The following KLHL28 variants were observed in gnomAD, a reference collection of about 807,000 sequenced individuals.
KLHL28 encodes kelch-like protein 28.
A neutral mutation model predicts 48.3 loss-of-function variants in KLHL28; 22 were observed. The ratio of observed to expected loss-of-function variants is 0.46; its 90% CI spans 0.33 to 0.65. KLHL28 has a LOEUF of 0.65. Among genes scored for constraint, KLHL28 ranks in the 30% least tolerant of loss-of-function variants. KLHL28 has a pLI of 0.03. For missense variants in KLHL28, 527 were observed against 704.3 expected (o/e 0.75, Z 2.85); for synonymous variants, 243 against 242.4 (o/e 1.00, Z -0.02).
chr14:44,941,098 G>T (rs1007137096), intron 2 of KLHL28, among the ~76,000 whole-genome samples: 5 of 151,410 alleles, frequency 3.3e-5, no homozygotes, highest in Admixed American at 3.3e-4. Context: ...AGACACCTGG[G>T]CGACAGAGCG....
In KLHL28 at chr14:44,937,313, CT is replaced by C. The variant is rs200711722; in HGVS notation, c.900-2756del. On this transcript the variant is annotated intron_variant, in intron 2 of 4. Transcript: ENST00000396128. ...GGCATGCACCACCACCCTCAGCTAA[CT>C]TTTTTTGTATTTTTAGTAGAGACAG... Among the ~76,000 whole-genome samples the C allele has an allele frequency of 4.1e-3, 619 of 151,652 alleles. 31 individuals carry two copies. In the East Asian group the frequency reaches 0.11, roughly 26 times the overall value.
At chr14:44,944,453 A>G (rs1374387883) in intron 2 of KLHL28, among the ~76,000 whole-genome samples, 1 of 151,832 alleles carries the variant, frequency 6.6e-6, no homozygotes, top group East Asian at 1.9e-4. Context: ...AAGTCTGACA[A>G]TTCCTAATCT....
At chr14:44,940,613 A>G (rs1190071402) in intron 2 of KLHL28, among the ~76,000 whole-genome samples, 2 of 152,124 alleles carry the variant, frequency 1.3e-5, no homozygotes, top group African/African-American at 4.8e-5. Flanking sequence ...GAAAAAAACT[A>G]AAGCCATTGG....
rs1349743493 is a variant in KLHL28, at chr14:44,924,805, TAA to T, written c.*4221_*4222del. The stretch of plus-strand genomic sequence containing the variant: ...ACACATAACTTGACAAAATTAACAA[TAA>T]GTTATCTCTAGTAAAGATGTATAAT... On this transcript the variant is annotated 3_prime_UTR_variant, in exon 5 of 5. Transcript: ENST00000396128. 1 of 152,578 alleles carries T rather than the reference TAA, an allele frequency of 6.6e-6. No individual in the cohort carries two copies. Among genetic ancestry groups the T allele is most frequent in the Non-Finnish European group, 1.5e-5 (1 of 67,982 alleles). 9.5% of individuals were successfully genotyped at this position (152,578 alleles called of 1,614,324 possible).
intron 1 of KLHL28, among the ~76,000 whole-genome samples, chr14:44,956,018 A>G (rs767318851): frequency 6.6e-6 from 1 of 152,244 alleles, no homozygotes; most frequent in Non-Finnish European, 1.5e-5. Flanking sequence ...GACGATGCTA[A>G]TGTAGCAACT....
At chr14:44,956,312 G>A (rs1172019817) in intron 1 of KLHL28, among the ~76,000 whole-genome samples, 1 of 152,096 alleles carries the variant, frequency 6.6e-6, no homozygotes, top group East Asian at 1.9e-4. Flanking sequence ...AGGAATAATG[G>A]AATATTATCA....
chr14:44,948,761 G>A (rs1273771622), intron 1 of KLHL28, among the ~76,000 whole-genome samples: 3 of 151,938 alleles, frequency 2.0e-5, no homozygotes. Flanking sequence ...CTTACCACAC[G>A]TTAGATTTTG....
At chr14:44,954,967 G>A (rs2138665000) in intron 1 of KLHL28, among the ~76,000 whole-genome samples, 1 of 152,190 alleles carries the variant, frequency 6.6e-6, no homozygotes, top group South Asian at 2.1e-4. Flanking sequence ...ATCTTATGCT[G>A]TTTTCAGTAA....
intron 1 of KLHL28, chr14:44,959,204 A>C (rs1884930591): frequency 6.6e-6 from 1 of 152,048 alleles, no homozygotes; most frequent in African/African-American, 2.4e-5. Flanking sequence ...CTCTAAGCAA[A>C]TGTGAGTTTT....
intron 2 of KLHL28, among the ~76,000 whole-genome samples, chr14:44,936,763 G>C (rs111403608): frequency 2.0e-3 from 297 of 152,298 alleles, no homozygotes; most frequent in African/African-American, 6.8e-3. Flanking sequence ...GAACAGAAAG[G>C]CAAAGGGGCC....
intron 2 of KLHL28, among the ~76,000 whole-genome samples, chr14:44,935,870 G>GTATA (rs1566564878): frequency 2.7e-4 from 8 of 30,084 alleles, no homozygotes; most frequent in Non-Finnish European, 2.7e-4. Flanking sequence ...ATGTGTATGT[G>GTATA]TATGTATATA....
In KLHL28 at chr14:44,937,760, A is replaced by T. The variant is rs1001071043; in HGVS notation, c.900-3202T>A. 6.6e-5 allele frequency among the ~76,000 whole-genome samples: 10 copies of T among 152,324 alleles called. No individual in the cohort carries two copies. In the East Asian group the frequency reaches 1.7e-3, roughly 26 times the overall value. ...GGAAGTCCAAGAACATGGTGCTAGC[A>T]TCTGGGAAGGGTCATCTCATGGTAG... On this transcript the variant is annotated intron_variant, in intron 2 of 4. Coordinates refer to ENST00000396128, the MANE Select transcript of KLHL28 (RefSeq NM_017658.5).
intron 4 of KLHL28, among the ~76,000 whole-genome samples, chr14:44,930,363 C>T (rs1883531499): frequency 6.6e-6 from 1 of 152,088 alleles, no homozygotes; most frequent in Non-Finnish European, 1.5e-5. Context: ...GATCTCGGTT[C>T]TAGCGATTCT....
chr14:44,929,071 C>A lies in KLHL28; in HGVS notation c.1673G>T (p.Gly558Val). ...AAAGTTGCAGCGACAGTATATCATG[C>A]CAGCTGAATCCAGCCACGTATCTGA... The part of the protein sequence containing the change: ...PISDTWLDSA[G>V]MIYCRCNFGL... The change falls in exon 5 of 5, where the codon GGC (glycine) becomes GTC (valine). Residue 558 changes from glycine (G) to valine (V), a missense_variant. Transcript: ENST00000396128. 1 of 1,613,754 alleles carries A rather than the reference C, an allele frequency of 6.2e-7. No individual in the cohort carries two copies. The highest frequency in any genetic ancestry group is 8.5e-7 in the Non-Finnish European group (1 of 1,179,872).
chr14:44,929,104 T>C lies in KLHL28; in HGVS notation c.1640A>G (p.Asp547Gly). ...SSYLNTVQKY[D>G]PISDTWLDSA... ...ATCCAGCCACGTATCTGAGATAGGATCATATTTCTGCACTGTATTCAGATA... is the reference window on the plus strand; with the variant it reads ...ATCCAGCCACGTATCTGAGATAGGACCATATTTCTGCACTGTATTCAGATA... Residue 547 changes from aspartate (D) to glycine (G), a missense_variant, in exon 5 of 5, where the codon GAT (aspartate) becomes GGT (glycine). Coordinates refer to ENST00000396128, the MANE Select transcript of KLHL28 (RefSeq NM_017658.5). 2 of 1,613,816 alleles carry C rather than the reference T, an allele frequency of 1.2e-6. No homozygotes were observed. The highest frequency in any genetic ancestry group is 2.2e-5 in the South Asian group (2 of 91,066).
chr14:44,958,231 T>C (rs1459431696), intron 1 of KLHL28, among the ~76,000 whole-genome samples: 1 of 151,940 alleles, frequency 6.6e-6, no homozygotes, highest in Non-Finnish European at 1.5e-5. Flanking sequence ...TGAAACCAAG[T>C]TAATAAAGGT....
chr14:44,949,584 A>C (rs1189292313), intron 1 of KLHL28, among the ~76,000 whole-genome samples: 5 of 152,108 alleles, frequency 3.3e-5, no homozygotes. Context: ...TAAGGCCAAG[A>C]TGAAGATATT....
At chr14:44,952,578 A>G (rs1158008277) in intron 1 of KLHL28, among the ~76,000 whole-genome samples, 1 of 152,180 alleles carries the variant, frequency 6.6e-6, no homozygotes, top group Non-Finnish European at 1.5e-5. Flanking sequence ...GCTGGAGTGC[A>G]ATGGCCACTC....
intron 1 of KLHL28, among the ~76,000 whole-genome samples, chr14:44,958,684 A>G (rs1441888008): frequency 3.3e-5 from 5 of 152,230 alleles, no homozygotes; most frequent in East Asian, 3.9e-4. Context: ...AATGACTTTG[A>G]ACTTGCTTTC....
Sources: gnomAD v4.1 joint callset for allele counts (sites outside exome capture counted in the v4.1 genomes callset) on GRCh38, gnomAD v4.1.1 for gene constraint, MANE v1.5 for transcripts, NCBI Gene and HGNC (gene_info 2026-07-23, HGNC 2026-07-21) for gene names.